Variants in ZNF282 observed in about 807,000 individuals in gnomAD.
The protein encoded by ZNF282 is HTLV-I U5 repressive element-binding protein 1.
A neutral mutation model predicts 61.9 loss-of-function variants in ZNF282; 30 were observed. The ratio of observed to expected loss-of-function variants is 0.48; its 90% CI spans 0.36 to 0.66. The LOEUF is 0.66. ZNF282 is among the 30% of genes least tolerant of loss of function. The pLI is 0.00. For synonymous variants in ZNF282, 396 were observed against 405.0 expected (o/e 0.98, Z 0.27); for missense variants, 788 against 941.4 (o/e 0.84, Z 2.13).
chr7:149,203,002 G>A (rs1235601415), intron 2 of ZNF282, among the ~76,000 whole-genome samples: 1 of 152,108 alleles, frequency 6.6e-6, no homozygotes. Context: ...CTTTGCCAGA[G>A]GAGTTGTTTG....
At chr7:149,210,019 A>T (rs750244282) in intron 4 of ZNF282, among the ~76,000 whole-genome samples, 2 of 152,210 alleles carry the variant, frequency 1.3e-5, no homozygotes, top group Admixed American at 1.3e-4. Flanking sequence ...GTTTCCAAGA[A>T]CCTGCTGACG....
chr7:149,220,344 G>A lies in ZNF282; in HGVS notation c.1181-3468G>A, dbSNP rs533863797. On this transcript the variant is annotated intron_variant, in intron 7 of 7. Coordinates refer to ENST00000610704, the MANE Select transcript of ZNF282 (RefSeq NM_003575.4). ...GGAGAATGGCGTGAACCCAGGAGGC[G>A]GAGCTTGCAGCGAGCTGAGATCGCG... Among the ~76,000 whole-genome samples, 6 of 152,170 alleles carry A rather than the reference G, an allele frequency of 3.9e-5. No homozygotes were observed. The East Asian group carries it at 5.8e-4, about 15-fold the overall frequency.
chr7:149,212,485 C>T lies in ZNF282; in HGVS notation c.1066+14C>T, dbSNP rs766189526. 12 of 1,573,954 alleles carry T rather than the reference C, an allele frequency of 7.6e-6. No homozygotes were observed. Among genetic ancestry groups the T allele is most frequent in the South Asian group, 1.2e-5 (1 of 86,822 alleles). On this transcript the variant is annotated intron_variant, in intron 6 of 7. Transcript: ENST00000610704. Reference sequence around the variant, plus strand: ...ATCCCAATTCAGGTGAGAACAAGGTCAGAATGAATCTTGAGGGCAACAAGT... The same window carrying T: ...ATCCCAATTCAGGTGAGAACAAGGTTAGAATGAATCTTGAGGGCAACAAGT...
chr7:149,211,155 G>A (rs1796078172), intron 5 of ZNF282, among the ~76,000 whole-genome samples: 1 of 152,228 alleles, frequency 6.6e-6, no homozygotes, highest in African/African-American at 2.4e-5. Context: ...GGTCCTGTGA[G>A]GGACCTCCTC....
chr7:149,222,206 G>A (rs1401185495), intron 7 of ZNF282, among the ~76,000 whole-genome samples: 1 of 152,194 alleles, frequency 6.6e-6, no homozygotes, highest in Non-Finnish European at 1.5e-5. Flanking sequence ...GGCAAGAACC[G>A]CATTTCCTGG....
intron 2 of ZNF282, among the ~76,000 whole-genome samples, chr7:149,202,109 G>T (rs994975331): frequency 1.3e-5 from 2 of 150,330 alleles, no homozygotes; most frequent in Non-Finnish European, 3.0e-5. Flanking sequence ...TTTCTACAAA[G>T]CACTTTTGCC....
At chr7:149,201,387 A>G (rs1376677010) in intron 2 of ZNF282, among the ~76,000 whole-genome samples, 1 of 152,072 alleles carries the variant, frequency 6.6e-6, no homozygotes, top group Admixed American at 6.5e-5. Flanking sequence ...CCCCACCCAT[A>G]CAGTCTATCT....
intron 7 of ZNF282, among the ~76,000 whole-genome samples, chr7:149,222,727 A>C (rs924523115): frequency 6.6e-6 from 1 of 152,136 alleles, no homozygotes; most frequent in African/African-American, 2.4e-5. Flanking sequence ...AGCTCACTGC[A>C]ACCTCCGCCT....
chr7:149,204,422 G>A (rs1160180769), intron 2 of ZNF282, among the ~76,000 whole-genome samples: 1 of 152,172 alleles, frequency 6.6e-6, no homozygotes, highest in Non-Finnish European at 1.5e-5. Context: ...CAGTGAATGG[G>A]GAGGGCAGAG....
rs1361932995 is a variant in ZNF282 at position 149,205,291 on chromosome 7, A to T, written c.586-1405A>T. Reference sequence around the variant, plus strand: ...CGTCTCTACTAAAAATACAAAAATTAGCCGGGCGTGGTGGCAAGCGCCTGT... The same window carrying T: ...CGTCTCTACTAAAAATACAAAAATTTGCCGGGCGTGGTGGCAAGCGCCTGT... On this transcript the variant is annotated intron_variant, in intron 2 of 7. Coordinates refer to ENST00000610704, the MANE Select transcript of ZNF282 (RefSeq NM_003575.4). 3.7e-4 allele frequency among the ~76,000 whole-genome samples: 56 copies of T among 151,894 alleles called. 1 individual carries two copies. In the South Asian group the frequency reaches 0.012, roughly 32 times the overall value.
intron 7 of ZNF282, among the ~76,000 whole-genome samples, chr7:149,214,705 T>C (rs1389779186): frequency 6.6e-6 from 1 of 152,130 alleles, no homozygotes; most frequent in Non-Finnish European, 1.5e-5. Context: ...TGGTGACTTA[T>C]GCCTGTGGTC....
chr7:149,210,510 T>G, intron 4 of ZNF282, 75 bp from the exon 5 acceptor site: 1 of 1,578,074 alleles, frequency 6.3e-7, no homozygotes, highest in Non-Finnish European at 8.6e-7. Context: ...GCAATGTCAT[T>G]CTCTGTTCCC....
chr7:149,203,520 T>A (rs1302263758), intron 2 of ZNF282, among the ~76,000 whole-genome samples: 2 of 152,208 alleles, frequency 1.3e-5, no homozygotes, highest in Non-Finnish European at 2.9e-5. Flanking sequence ...TTAAGTTTTT[T>A]ATTTATTTTT....
intron 7 of ZNF282, among the ~76,000 whole-genome samples, chr7:149,219,426 G>T (rs914963325): frequency 6.6e-6 from 1 of 152,226 alleles, no homozygotes; most frequent in Non-Finnish European, 1.5e-5. Flanking sequence ...TGTTACAGAG[G>T]CTGGGAGAAG....
At chr7:149,219,152 G>A (rs11762610) in intron 7 of ZNF282, among the ~76,000 whole-genome samples, 18,443 of 152,028 alleles carry the variant, frequency 0.12, 1,901 homozygotes, top group African/African-American at 0.29. Context: ...CTTTAGTCAC[G>A]TGCTTGGTCT....
At chr7:149,212,319 A>G in intron 5 of ZNF282, 39 bp from the exon 6 acceptor site, 1 of 1,458,884 alleles carries the variant, frequency 6.9e-7, no homozygotes, top group South Asian at 1.3e-5. Flanking sequence ...GAGATTTCGC[A>G]TCTTCTAACA....
chr7:149,207,473 G>T lies in ZNF282; in HGVS notation c.832+3G>T. 6.4e-7 allele frequency: 1 copy of T among 1,559,138 alleles called. No individual in the cohort carries two copies. The highest frequency in any genetic ancestry group is 8.7e-7 in the Non-Finnish European group (1 of 1,150,742). ...AATCCCAATGGATCCCGAAGCAGGT[G>T]ATGGCAGCAGAAGAGAGTGCGGGGT... is the stretch of plus-strand genomic sequence containing the variant. On this transcript the variant is annotated splice_donor_region_variant and intron_variant, in intron 4 of 7. Transcript: ENST00000610704.
rs1212339823 is a variant in ZNF282 at position 149,223,881 on chromosome 7, C to T, written c.1250C>T (p.Pro417Leu). The part of the protein sequence containing the change: ...PPQPQPQPQP[P>L]QPQLQSQPQP... ...CAGCCCCAGCCCCAGCCCCAGCCAC[C>T]GCAGCCGCAGCTGCAGTCGCAGCCC... The change falls in exon 8 of 8, where the codon CCG becomes CTG. Residue 417 changes from proline (P) to leucine (L), a missense_variant. Physicochemically the swap from Pro to Leu is moderately conservative, Grantham distance 98. Around this residue, in one of 3 missense-constraint regions of ZNF282, gnomAD observed 559 missense variants for 642.0 expected, o/e 0.87. Coordinates refer to ENST00000610704, the MANE Select transcript of ZNF282 (RefSeq NM_003575.4). 2.1e-6 allele frequency: 3 copies of T among 1,434,418 alleles called. No homozygotes were observed. Among genetic ancestry groups the T allele is most frequent in the South Asian group, 2.8e-5 (2 of 71,800 alleles). 88.9% of individuals were successfully genotyped at this position (1,434,418 alleles called of 1,614,324 possible).
chr7:149,195,867 T>C, intron 1 of ZNF282, 113 bp downstream of exon 1: 1 of 1,020,624 alleles, frequency 9.8e-7, no homozygotes, highest in Non-Finnish European at 1.2e-6. Flanking sequence ...CCTCCCAGCT[T>C]CCGCGCCCAG....
Sources: allele counts gnomAD v4.1 joint callset (sites outside exome capture counted in the v4.1 genomes callset), GRCh38; gene constraint gnomAD v4.1.1; regional missense constraint gnomAD v4.1.1; transcripts MANE v1.5; gene names NCBI Gene and HGNC (gene_info 2026-07-23, HGNC 2026-07-21).